The following GPBP1 variants were observed in gnomAD, a reference collection of about 807,000 sequenced individuals.
The protein encoded by GPBP1 is vasculin.
In GPBP1, 13 loss-of-function variants were observed where a neutral mutation model predicts 56.5. That is an observed-to-expected ratio of 0.23 (90% CI 0.15 to 0.37). The LOEUF (loss-of-function observed/expected upper bound fraction) is 0.37, where lower values mean the gene tolerates loss of function less well. Ranked by LOEUF, GPBP1 falls within the 10% of genes least tolerant of loss-of-function variation. GPBP1 has a pLI of 1.00. For synonymous variants in GPBP1, 204 were observed against 188.9 expected, an observed-to-expected ratio of 1.08 and a Z score of -0.66; for missense variants, 477 against 572.3, an observed-to-expected ratio of 0.83 and a Z score of 1.70.
intron 6 of GPBP1, among the ~76,000 whole-genome samples, chr5:57,238,120 C>G (rs1374068169): frequency 6.6e-6 from 1 of 152,156 alleles, no homozygotes; most frequent in African/African-American, 2.4e-5. Context: ...AATAGTCCAT[C>G]TCCACGCTGT....
chr5:57,229,709 T>C (rs1756359358), intron 3 of GPBP1, among the ~76,000 whole-genome samples: 1 of 147,694 alleles, frequency 6.8e-6, no homozygotes, highest in Non-Finnish European at 1.5e-5. Context: ...TAATTTTGTA[T>C]TTTTTGTAGA....
At chr5:57,219,733 T>C (rs1755870284) in intron 3 of GPBP1, among the ~76,000 whole-genome samples, 1 of 152,090 alleles carries the variant, frequency 6.6e-6, no homozygotes, top group Non-Finnish European at 1.5e-5. Context: ...AGTGATTTCA[T>C]AGCTAACATA....
chr5:57,210,955 C>A (rs1279285808), intron 2 of GPBP1, among the ~76,000 whole-genome samples: 1 of 152,132 alleles, frequency 6.6e-6, no homozygotes, highest in Non-Finnish European at 1.5e-5. Context: ...AATATTGCTA[C>A]ATTTGAGGTA....
chr5:57,180,680 G>T (rs1242285324), intron 2 of GPBP1, among the ~76,000 whole-genome samples: 3 of 152,112 alleles, frequency 2.0e-5, no homozygotes, highest in Non-Finnish European at 2.9e-5. Flanking sequence ...TCATTATACT[G>T]ATGGAAATAT....
intron 3 of GPBP1, among the ~76,000 whole-genome samples, chr5:57,228,932 A>G (rs1024478588): frequency 3.3e-5 from 5 of 152,104 alleles, no homozygotes; most frequent in African/African-American, 1.2e-4. Context: ...CTAACCCAGT[A>G]ATGAATAATT....
At chr5:57,247,890 C>G (rs1561371264) in intron 8 of GPBP1, among the ~76,000 whole-genome samples, 1 of 151,904 alleles carries the variant, frequency 6.6e-6, no homozygotes, top group Non-Finnish European at 1.5e-5. Context: ...ACTACAGGTG[C>G]TTGCCACTGG....
intron 8 of GPBP1, 33 bp downstream of exon 8, chr5:57,247,248 A>C: frequency 6.5e-7 from 1 of 1,548,660 alleles, no homozygotes; most frequent in Non-Finnish European, 8.8e-7. Flanking sequence ...TGAGGAATGT[A>C]ACATTTTAAT....
Position 57,249,476 on chromosome 5 carries a change from C to T in GPBP1, c.872C>T (p.Thr291Ile). Residue 291 changes from threonine (T) to isoleucine (I), a missense_variant, in exon 9 of 12, where the codon ACA (threonine) becomes ATA (isoleucine). Coordinates refer to ENST00000506184, the MANE Select transcript of GPBP1 (RefSeq NM_022913.4). The part of the protein sequence containing the change: ...LNQQPRLTKL[T>I]RMRTDKKSEF... Reference sequence around the variant, plus strand: ...CAGCAGCCTCGTCTAACCAAACTGACACGAATGCGCACTGATAAGAAGAGT... The same window carrying T: ...CAGCAGCCTCGTCTAACCAAACTGATACGAATGCGCACTGATAAGAAGAGT... 6.2e-7 allele frequency: 1 copy of T among 1,612,054 alleles called. No individual in the cohort carries two copies. Among genetic ancestry groups the T allele is most frequent in the Non-Finnish European group, 8.5e-7 (1 of 1,179,124 alleles).
intron 3 of GPBP1, among the ~76,000 whole-genome samples, chr5:57,216,796 T>C (rs1252518767): frequency 6.6e-6 from 1 of 152,214 alleles, no homozygotes; most frequent in East Asian, 1.9e-4. Context: ...GTTTCTGTAC[T>C]ATTCTTCTGA....
At chr5:57,189,274 G>A (rs1240419449) in intron 2 of GPBP1, among the ~76,000 whole-genome samples, 1 of 152,084 alleles carries the variant, frequency 6.6e-6, no homozygotes, top group African/African-American at 2.4e-5. Flanking sequence ...GCCTGCCACC[G>A]TGCCCAGCTA....
intron 10 of GPBP1, among the ~76,000 whole-genome samples, chr5:57,253,658 T>C (rs573191878): frequency 1.2e-4 from 19 of 152,242 alleles, no homozygotes; most frequent in Non-Finnish European, 2.1e-4. Flanking sequence ...TTTCTACCTG[T>C]TATGTAAATC....
At chr5:57,245,664 A>T (rs922987083) in intron 6 of GPBP1, 3 of 152,224 alleles carry the variant, frequency 2.0e-5, no homozygotes, top group Admixed American at 2.0e-4. Flanking sequence ...TCTTGAGAAA[A>T]GTCTGCCTTT....
chr5:57,250,993 C>T lies in GPBP1; in HGVS notation c.1012C>T (p.His338Tyr), dbSNP rs578203895. The change falls in exon 10 of 12, where the codon CAC (histidine) becomes TAC (tyrosine). Residue 338 changes from histidine (H) to tyrosine (Y), a missense_variant. By Grantham distance (83) the His-to-Tyr change is moderately conservative (BLOSUM62 2). Coordinates refer to ENST00000506184, the MANE Select transcript of GPBP1 (RefSeq NM_022913.4). ...SFNLHNSNSTHQERDINRNFD... is the reference protein window; with the variant it reads ...SFNLHNSNSTYQERDINRNFD... ...TAATTTACATAACAGCAATAGTACT[C>T]ACCAAGAAAGGGATATAAACCGAAA... 5 of 1,610,010 alleles carry T rather than the reference C, an allele frequency of 3.1e-6. No individual in the cohort carries two copies. Among genetic ancestry groups the T allele is most frequent in the African/African-American group, 1.3e-5 (1 of 74,514 alleles).
intron 10 of GPBP1, among the ~76,000 whole-genome samples, chr5:57,256,681 G>A (rs1741677915): frequency 6.6e-6 from 1 of 151,994 alleles, no homozygotes; most frequent in Admixed American, 6.6e-5. Context: ...TGGAATAGAG[G>A]GATAGTTTTA....
intron 10 of GPBP1, among the ~76,000 whole-genome samples, chr5:57,254,692 C>CAA (rs541890019): frequency 3.4e-3 from 275 of 79,800 alleles, no homozygotes; most frequent in East Asian, 0.013. Flanking sequence ...GAGACTGTCT[C>CAA]AAAAAAAAAA....
intron 2 of GPBP1, among the ~76,000 whole-genome samples, chr5:57,200,613 C>T (rs755990909): frequency 1.9e-4 from 29 of 151,842 alleles, no homozygotes; most frequent in Non-Finnish European, 3.1e-4. Context: ...GTGATTCTCC[C>T]GCCTCGGCCT....
intron 3 of GPBP1, 193 bp from the exon 4 acceptor site, chr5:57,230,653 A>G (rs113694754): frequency 2.0e-5 from 12 of 601,912 alleles, no homozygotes; most frequent in Middle Eastern, 4.4e-4. Context: ...GCTTGTTTCC[A>G]TTAGATAGAA....
At chr5:57,231,471 C>G (rs1756457229) in intron 5 of GPBP1, 150 bp downstream of exon 5, 2 of 666,612 alleles carry the variant, frequency 3.0e-6, no homozygotes, top group South Asian at 4.0e-5. Flanking sequence ...CAGGGTTTCA[C>G]CAGGTTGGCC....
At chr5:57,259,029 A>C (rs1741780749) in intron 10 of GPBP1, among the ~76,000 whole-genome samples, 1 of 152,226 alleles carries the variant, frequency 6.6e-6, no homozygotes, top group African/African-American at 2.4e-5. Context: ...TTGAATGGTA[A>C]AAGTGAATGG....
Sources: allele counts gnomAD v4.1 joint callset (sites outside exome capture counted in the v4.1 genomes callset), GRCh38; gene constraint gnomAD v4.1.1; transcripts MANE v1.5; gene names NCBI Gene and HGNC (gene_info 2026-07-23, HGNC 2026-07-21).